The following YES1 variants were observed in gnomAD, a reference collection of about 807,000 sequenced individuals.
YES1 encodes the protein tyrosine-protein kinase Yes.
A neutral mutation model predicts 70.4 loss-of-function variants in YES1; 39 were observed. The ratio of observed to expected loss-of-function variants is 0.55; its 90% CI spans 0.43 to 0.72. The LOEUF (loss-of-function observed/expected upper bound fraction) is 0.72, where lower values mean the gene tolerates loss of function less well. Ranked by LOEUF, YES1 falls within the 30% of genes least tolerant of loss-of-function variation. The pLI is 0.00. For missense variants in YES1, 495 were observed against 644.8 expected (o/e 0.77, Z 2.52); for synonymous variants, 198 against 218.6 (o/e 0.91, Z 0.83).
chr18:810,096 T>C (rs1907299000), intron 1 of YES1, among the ~76,000 whole-genome samples: 1 of 152,180 alleles, frequency 6.6e-6, no homozygotes, highest in African/African-American at 2.4e-5. Flanking sequence ...GTCTTCTTTC[T>C]TACTATAATG....
rs1462027613 is a variant in YES1, at chr18:781,261, C to A, written c.-8-24426G>T. Among the ~76,000 whole-genome samples the A allele has an allele frequency of 5.7e-4, 74 of 129,762 alleles. 1 individual carries two copies. The highest frequency in any genetic ancestry group is 5.5e-4 in the Non-Finnish European group (35 of 63,224). 85.1% of individuals were successfully genotyped at this position (129,762 alleles called of 152,430 possible). A position where few individuals can be genotyped will look rare whatever the true frequency, so the allele number is the denominator to read the frequency against. On this transcript the variant is annotated intron_variant, in intron 1 of 11. Coordinates refer to ENST00000314574, the MANE Select transcript of YES1 (RefSeq NM_005433.4). Reference sequence around the variant, plus strand: ...TGCAGCCTGGGGGACGAGAGTGAAACTCTGTCTCAAAAAAAAAAAAAAAAA... The same window carrying A: ...TGCAGCCTGGGGGACGAGAGTGAAAATCTGTCTCAAAAAAAAAAAAAAAAA...
chr18:732,637 T>G (rs1185861452), intron 11 of YES1, among the ~76,000 whole-genome samples, 197 bp downstream of exon 11: 1 of 152,070 alleles, frequency 6.6e-6, no homozygotes, highest in African/African-American at 2.4e-5. Flanking sequence ...TCAAGGATCG[T>G]GGCTTTCACT....
intron 1 of YES1, among the ~76,000 whole-genome samples, chr18:791,870 C>T: frequency 6.6e-6 from 1 of 151,870 alleles, no homozygotes; most frequent in Non-Finnish European, 1.5e-5. Context: ...GCCTGACCAA[C>T]ATGGTGAAAC....
chr18:772,725 C>A (rs1905214645), intron 1 of YES1, among the ~76,000 whole-genome samples: 1 of 152,176 alleles, frequency 6.6e-6, no homozygotes. Flanking sequence ...AGGCACCACG[C>A]CCGGCCAGCA....
At chr18:769,154 TTTA>T (rs1905045044) in intron 1 of YES1, among the ~76,000 whole-genome samples, 1 of 152,106 alleles carries the variant, frequency 6.6e-6, no homozygotes, top group Non-Finnish European at 1.5e-5. Context: ...ACCATCTAGG[TTTA>T]TGTAAGCACA....
rs747014698 is a variant in YES1 at position 756,655 on chromosome 18, G to C, written c.173C>G (p.Ser58Cys). ...TGAGGATCCTCCAAATGGTGTCATG[G>C]AAAGACTGCTGAAATTAACTGCTGT... is the stretch of plus-strand genomic sequence containing the variant. ...KGTAVNFSSL[S>C]MTPFGGSSGV... Residue 58 changes from serine (S) to cysteine (C), a missense_variant, in exon 2 of 12, where the codon TCC becomes TGC. Around this residue, in one of 2 missense-constraint regions of YES1, gnomAD observed 110 missense variants for 104.0 expected, o/e 1.06. Transcript: ENST00000314574. 8.0e-5 allele frequency: 129 copies of C among 1,614,052 alleles called. No homozygotes were observed. Among genetic ancestry groups the C allele is most frequent in the Non-Finnish European group, 1.1e-4 (124 of 1,180,048 alleles).
chr18:738,476 G>C, intron 9 of YES1: 1 of 152,058 alleles, frequency 6.6e-6, no homozygotes. Context: ...AGATCACGAG[G>C]TCAGGAGATC....
chr18:799,021 T>C (rs1387435587), intron 1 of YES1, among the ~76,000 whole-genome samples: 1 of 152,118 alleles, frequency 6.6e-6, no homozygotes, highest in Non-Finnish European at 1.5e-5. Context: ...ATTAAATTAG[T>C]CAGATGCTCT....
At chr18:787,722 AT>A (rs757217630) in intron 1 of YES1, among the ~76,000 whole-genome samples, 41 of 152,220 alleles carry the variant, frequency 2.7e-4, no homozygotes, top group Middle Eastern at 3.4e-3. Flanking sequence ...AAAAAAAAAA[AT>A]ATTCTGTTGA....
At chr18:795,902 C>T (rs1906518183) in intron 1 of YES1, among the ~76,000 whole-genome samples, 2 of 145,084 alleles carry the variant, frequency 1.4e-5, no homozygotes, top group Admixed American at 6.9e-5. Flanking sequence ...CACATGTATC[C>T]CAGAACTTAA....
intron 3 of YES1, among the ~76,000 whole-genome samples, chr18:749,214 C>T (rs1267465994): frequency 6.6e-6 from 1 of 152,038 alleles, no homozygotes; most frequent in Admixed American, 6.6e-5. Flanking sequence ...GCATTTCTGG[C>T]CGGGCGCGGT....
chr18:763,703 CAAAAAAAA>C (rs71174286), intron 1 of YES1, among the ~76,000 whole-genome samples: 10 of 63,704 alleles, frequency 1.6e-4, no homozygotes, highest in South Asian at 6.4e-4. Flanking sequence ...ATCCTGTCTT[CAAAAAAAA>C]AAAAAAAAAA....
At chr18:766,707 C>T (rs1904927047) in intron 1 of YES1, among the ~76,000 whole-genome samples, 1 of 152,048 alleles carries the variant, frequency 6.6e-6, no homozygotes, top group African/African-American at 2.4e-5. Context: ...TTATTTGCTT[C>T]CCATCTCTAC....
intron 1 of YES1, among the ~76,000 whole-genome samples, chr18:798,520 G>A (rs1032908320): frequency 7.9e-5 from 12 of 152,124 alleles, no homozygotes; most frequent in Non-Finnish European, 1.6e-4. Flanking sequence ...TAGGGTGGGG[G>A]AAAAGGGGAA....
At chr18:730,758 G>A (rs1349441137) in intron 11 of YES1, among the ~76,000 whole-genome samples, 12 of 152,158 alleles carry the variant, frequency 7.9e-5, no homozygotes, top group Admixed American at 7.9e-4. Flanking sequence ...TGTTTACAGT[G>A]CTATAATAAG....
At chr18:787,361 A>G (rs1468470207) in intron 1 of YES1, among the ~76,000 whole-genome samples, 4 of 151,264 alleles carry the variant, frequency 2.6e-5, no homozygotes, top group Non-Finnish European at 5.9e-5. Context: ...GGCCTCCCAA[A>G]ATGCTGGGGT....
At chr18:781,695 T>C (rs1315570722) in intron 1 of YES1, among the ~76,000 whole-genome samples, 2 of 152,222 alleles carry the variant, frequency 1.3e-5, no homozygotes, top group Admixed American at 6.5e-5. Flanking sequence ...ATTTCAATTC[T>C]GGTTCTGTCA....
intron 4 of YES1, among the ~76,000 whole-genome samples, chr18:747,336 G>A (rs1408532372): frequency 4.6e-5 from 7 of 152,128 alleles, no homozygotes; most frequent in African/African-American, 1.4e-4. Flanking sequence ...GGGCGTGGTG[G>A]TGCATGCCTG....
intron 1 of YES1, among the ~76,000 whole-genome samples, chr18:790,627 G>T (rs1329837856): frequency 6.6e-6 from 1 of 152,138 alleles, no homozygotes; most frequent in Non-Finnish European, 1.5e-5. Context: ...GATTTGAAAA[G>T]AAAGTGATAA....
Sources: gnomAD v4.1 joint callset for allele counts (sites outside exome capture counted in the v4.1 genomes callset) on GRCh38, gnomAD v4.1.1 for gene constraint, gnomAD v4.1.1 regional missense constraint, MANE v1.5 for transcripts, NCBI Gene and HGNC (gene_info 2026-07-23, HGNC 2026-07-21) for gene names.